NCR1: variants seen among roughly 807,000 people sequenced by gnomAD.
The protein encoded by NCR1 is NK cell-activating receptor.
In NCR1, 30 loss-of-function variants were observed where a neutral mutation model predicts 32.5. The ratio of observed to expected loss-of-function variants is 0.92; its 90% confidence interval spans 0.69 to 1.25. The LOEUF (loss-of-function observed/expected upper bound fraction) is 1.25, where lower values mean the gene tolerates loss of function less well. Among genes scored for constraint, NCR1 ranks in the 50% most tolerant of loss-of-function variants. NCR1 has a pLI of 0.00. For synonymous variants in NCR1, 169 were observed against 143.4 expected (o/e 1.18, Z -1.28); for missense variants, 369 against 380.7 (o/e 0.97, Z 0.26).
the NCR1 span, chr19:54,930,740 CTA>C: frequency 1.6e-6 from 2 of 1,225,406 alleles, no homozygotes; most frequent in Non-Finnish European, 2.4e-6. Context: ...ATTTCCAACA[CTA>C]TATACCTTCC....
the NCR1 span, among the ~76,000 whole-genome samples, chr19:54,932,361 G>A: frequency 2.0e-5 from 3 of 151,644 alleles, no homozygotes; most frequent in Non-Finnish European, 4.4e-5. Flanking sequence ...CTGGGAGGCA[G>A]AAGTTGCAGT....
upstream of NCR1, among the ~76,000 whole-genome samples, chr19:54,903,320 G>GTA (rs587690175): frequency 3.3e-5 from 4 of 122,996 alleles, no homozygotes; most frequent in Non-Finnish European, 6.6e-5. Context: ...ATACATACAT[G>GTA]TATATATACA....
At chr19:54,919,455 G>A (rs922480722), downstream of NCR1, among the ~76,000 whole-genome samples, 1 of 152,216 alleles carries the variant, frequency 6.6e-6, no homozygotes, top group East Asian at 1.9e-4. Flanking sequence ...AGGAGACAGA[G>A]AGAAAGACAG....
chr19:54,919,435 AGAGAGG>A (rs2068198824), downstream of NCR1, among the ~76,000 whole-genome samples: 1 of 149,434 alleles, frequency 6.7e-6, no homozygotes, highest in East Asian at 2.0e-4. Context: ...CAGCCGAGGC[AGAGAGG>A]GAGAGGAGAC....
At chr19:54,904,531 C>CTTTTTTTTTTTTTTTTTT (rs1556717280), upstream of NCR1, among the ~76,000 whole-genome samples, 1 of 118,990 alleles carries the variant, frequency 8.4e-6, no homozygotes, top group Non-Finnish European at 1.8e-5. Flanking sequence ...GTTTTCTTTT[C>CTTTTTTTTTTTTTTTTTT]TTTTTTTTTT....
At chr19:54,899,513 C>T in the NCR1 span, among the ~76,000 whole-genome samples, 16 of 151,532 alleles carry the variant, frequency 1.1e-4, no homozygotes, top group Admixed American at 1.1e-3. Context: ...GATTGGGGTG[C>T]AGAGACAAGA....
At chr19:54,934,465 T>C in the NCR1 span, 25 of 1,613,252 alleles carry the variant, frequency 1.5e-5, no homozygotes, top group Non-Finnish European at 2.0e-5. The surrounding 1 kb of genome is among the most constrained non-coding windows in gnomAD (Gnocchi z 6.7). Context: ...AAACCAGAGC[T>C]GCCCATGGGA....
At chr19:54,917,675 A>G (rs1323306203), downstream of NCR1, among the ~76,000 whole-genome samples, 1 of 152,080 alleles carries the variant, frequency 6.6e-6, no homozygotes, top group Non-Finnish European at 1.5e-5. Flanking sequence ...TCTCCACTCC[A>G]GGGGACATTT....
chr19:54,899,628 C>A, the NCR1 span, among the ~76,000 whole-genome samples: 2 of 151,670 alleles, frequency 1.3e-5, no homozygotes, highest in Non-Finnish European at 2.9e-5. Flanking sequence ...GTACTTGCCA[C>A]TAAGGGTGAA....
At chr19:54,935,521 C>A in the NCR1 span, among the ~76,000 whole-genome samples, 1 of 151,954 alleles carries the variant, frequency 6.6e-6, no homozygotes, top group Admixed American at 6.6e-5. Flanking sequence ...CATGGTGAAA[C>A]CCTGTCTCTA....
upstream of NCR1, among the ~76,000 whole-genome samples, chr19:54,903,472 G>A (rs141110007): frequency 0.015 from 1,857 of 124,516 alleles, 134 homozygotes; most frequent in African/African-American, 0.049. Context: ...ATGTATACAC[G>A]GATACATGTA....
the NCR1 span, chr19:54,938,202 A>C: frequency 6.2e-7 from 1 of 1,614,092 alleles, no homozygotes; most frequent in Non-Finnish European, 8.5e-7. Context: ...GAGAGCGAAG[A>C]TCCTGCCGAG....
At chr19:54,924,860 C>T in the NCR1 span, among the ~76,000 whole-genome samples, 1 of 152,138 alleles carries the variant, frequency 6.6e-6, no homozygotes, top group Non-Finnish European at 1.5e-5. Flanking sequence ...CGCTTTGAAC[C>T]TGGGAGGCAG....
At chr19:54,923,758 G>A in the NCR1 span, 1 of 1,613,286 alleles carries the variant, frequency 6.2e-7, no homozygotes. Context: ...AAAAGTCACA[G>A]CACGGAGGTG....
chr19:54,935,484 T>C, the NCR1 span, among the ~76,000 whole-genome samples: 1 of 152,022 alleles, frequency 6.6e-6, no homozygotes, highest in Non-Finnish European at 1.5e-5. Context: ...TCACTTGAGG[T>C]CAGGAGTTCG....
intron 5 of NCR1, among the ~76,000 whole-genome samples, chr19:54,910,662 G>T (rs1292203322): frequency 6.6e-6 from 1 of 152,148 alleles, no homozygotes; most frequent in Non-Finnish European, 1.5e-5. Flanking sequence ...CAGCCAGGCA[G>T]ATATCTTGAC....
chr19:54,900,542 G>A, the NCR1 span, among the ~76,000 whole-genome samples: 4 of 152,190 alleles, frequency 2.6e-5, no homozygotes, highest in South Asian at 8.3e-4. Context: ...ATCTGGATGT[G>A]TACATACAGG....
downstream of NCR1, among the ~76,000 whole-genome samples, chr19:54,914,889 G>A (rs1474676615): frequency 2.0e-5 from 3 of 151,468 alleles, no homozygotes; most frequent in Admixed American, 6.6e-5. Context: ...AGAGGCGCGC[G>A]CCACCACACC....
the NCR1 span, chr19:54,936,329 C>G: frequency 6.2e-7 from 1 of 1,613,906 alleles, no homozygotes; most frequent in Non-Finnish European, 8.5e-7. Context: ...TCGTGCGTTC[C>G]CACTCGATGT....
Sources: allele counts gnomAD v4.1 joint callset (sites outside exome capture counted in the v4.1 genomes callset), GRCh38; gene constraint gnomAD v4.1.1; non-coding constraint Gnocchi (gnomAD v3.1); transcripts MANE v1.5; gene names NCBI Gene and HGNC (gene_info 2026-07-23, HGNC 2026-07-21).